The following GLG1 variants were observed in gnomAD, a reference collection of about 807,000 sequenced individuals.
GLG1 encodes golgi glycoprotein 1, also known as Golgi apparatus protein 1.
Under a neutral mutation model 160.5 loss-of-function variants are expected in GLG1, and 38 were observed. The observed-to-expected ratio is 0.24, with a 90% CI of 0.18 to 0.31. The LOEUF is 0.31. Ranked by LOEUF, GLG1 falls within the 10% of genes least tolerant of loss-of-function variation. The probability of loss-of-function intolerance (pLI) is 1.00; values close to 1 mark genes in which losing one functional copy is unlikely to be tolerated. For synonymous variants in GLG1, 644 were observed against 543.4 expected (o/e 1.19, Z -2.57); for missense variants, 1,373 against 1,505.2 (o/e 0.91, Z 1.45).
chr16:74,551,266 C>T (rs1304357742), intron 1 of GLG1, among the ~76,000 whole-genome samples: 5 of 151,958 alleles, frequency 3.3e-5, no homozygotes, highest in African/African-American at 4.8e-5. Flanking sequence ...TTATGAACTG[C>T]TTCATATAAA....
chr16:74,493,998 A>C (rs1305671287), intron 6 of GLG1, among the ~76,000 whole-genome samples: 1 of 151,952 alleles, frequency 6.6e-6, no homozygotes, highest in African/African-American at 2.4e-5. Context: ...AACATGGTGA[A>C]ACCCCGTCTC....
chr16:74,461,574 G>A (rs1044018808), intron 22 of GLG1: 1 of 148,110 alleles, frequency 6.8e-6, no homozygotes, highest in Non-Finnish European at 1.5e-5. Flanking sequence ...GGGTTCAAGT[G>A]ATTCTCCTGC....
rs147323996 is a variant in GLG1, at chr16:74,452,978, C to T, written c.*189G>A. The T allele has an allele frequency of 1.4e-4, 182 of 1,301,796 alleles. No individual in the cohort carries two copies. In the East Asian group the frequency reaches 3.5e-3, roughly 25 times the overall value. The allele number at this position is 1,301,796 out of a possible 1,614,324, so 80.6% of individuals were successfully genotyped here. On this transcript the variant is annotated 3_prime_UTR_variant, in exon 26 of 26. Coordinates refer to ENST00000422840, the MANE Select transcript of GLG1 (RefSeq NM_001145667.2). ...CCAGCGACCAGCTGCTGCTGCTGCA[C>T]GGTGAGGAGGAGGAGGACACCATGG...
chr16:74,546,232 A>G (rs564683276), intron 1 of GLG1, among the ~76,000 whole-genome samples: 1 of 152,266 alleles, frequency 6.6e-6, no homozygotes, highest in African/African-American at 2.4e-5. Flanking sequence ...TGAGCCCAGG[A>G]ATTCCAGACC....
chr16:74,513,775 G>A (rs1291857035), intron 2 of GLG1, among the ~76,000 whole-genome samples: 1 of 152,110 alleles, frequency 6.6e-6, no homozygotes, highest in African/African-American at 2.4e-5. Flanking sequence ...GAACAAAACT[G>A]GAAGGAGAAC....
At chr16:74,475,422 G>A (rs1459698912) in intron 12 of GLG1, among the ~76,000 whole-genome samples, 1 of 152,170 alleles carries the variant, frequency 6.6e-6, no homozygotes, top group Non-Finnish European at 1.5e-5. Flanking sequence ...CCAGGGGTCT[G>A]GAACACAGGA....
intron 13 of GLG1, among the ~76,000 whole-genome samples, chr16:74,473,798 G>A (rs1319316271): frequency 6.6e-6 from 1 of 151,962 alleles, no homozygotes; most frequent in Non-Finnish European, 1.5e-5. Flanking sequence ...ATAAACATAC[G>A]TATTCAATCT....
At chr16:74,591,284 T>G (rs1958177929) in intron 1 of GLG1, among the ~76,000 whole-genome samples, 1 of 150,584 alleles carries the variant, frequency 6.6e-6, no homozygotes, top group South Asian at 2.1e-4. Flanking sequence ...TGAGCCAACA[T>G]CGTGCCACTG....
intron 13 of GLG1, among the ~76,000 whole-genome samples, chr16:74,473,126 C>G (rs1368182598): frequency 6.6e-6 from 1 of 152,200 alleles, no homozygotes; most frequent in African/African-American, 2.4e-5. Flanking sequence ...ATTTCTGGCC[C>G]CACAAAATAA....
At chr16:74,567,340 A>G (rs1467003402) in intron 1 of GLG1, among the ~76,000 whole-genome samples, 2 of 152,144 alleles carry the variant, frequency 1.3e-5, no homozygotes, top group Non-Finnish European at 2.9e-5. Flanking sequence ...CTGGCTCACA[A>G]TAGTTTCACT....
In GLG1 at chr16:74,457,451, C is replaced by T. The variant is rs533425984; in HGVS notation, c.3265+423G>A. On this transcript the variant is annotated intron_variant, in intron 24 of 25. Coordinates refer to ENST00000422840, the MANE Select transcript of GLG1 (RefSeq NM_001145667.2). ...ACTTCTATTAGTTTTATTGGGTATA[C>T]GTGGCTCAAAAAGAACTCTCACACT... Among the ~76,000 whole-genome samples, 293 of 152,214 alleles carry T rather than the reference C, an allele frequency of 1.9e-3. 4 individuals are homozygous for T. The South Asian group carries it at 0.026, about 13-fold the overall frequency.
intron 7 of GLG1, among the ~76,000 whole-genome samples, chr16:74,492,379 A>G (rs2016030197): frequency 1.3e-5 from 2 of 148,438 alleles, no homozygotes; most frequent in Non-Finnish European, 3.0e-5. Flanking sequence ...AAAAAAAAAA[A>G]GAAAAGACAA....
intron 2 of GLG1, among the ~76,000 whole-genome samples, chr16:74,531,114 C>A (rs987422508): frequency 2.0e-5 from 3 of 151,902 alleles, no homozygotes; most frequent in African/African-American, 4.8e-5. Context: ...TTTAGAAAAG[C>A]CTTCCCTCTA....
intron 1 of GLG1, among the ~76,000 whole-genome samples, chr16:74,604,864 C>T (rs918794165): frequency 6.6e-6 from 1 of 152,162 alleles, no homozygotes; most frequent in African/African-American, 2.4e-5. Context: ...TCCTGGCCAA[C>T]ATGGTGAAAC....
intron 1 of GLG1, among the ~76,000 whole-genome samples, chr16:74,555,466 T>C (rs1209652964): frequency 6.6e-6 from 1 of 152,102 alleles, no homozygotes; most frequent in Admixed American, 6.6e-5. Flanking sequence ...GCAAGACAAC[T>C]GCTTGAGCCC....
chr16:74,588,051 C>G (rs1958091482), intron 1 of GLG1, among the ~76,000 whole-genome samples: 1 of 150,418 alleles, frequency 6.6e-6, no homozygotes, highest in Non-Finnish European at 1.5e-5. Context: ...ACCTGAAGAT[C>G]AGCAATAGCA....
At chr16:74,469,086 G>A (rs749271553) in intron 16 of GLG1, 23 bp from the exon 17 acceptor site, 3 of 1,532,550 alleles carry the variant, frequency 2.0e-6, no homozygotes, top group African/African-American at 1.4e-5. Context: ...GAAGCTTGAG[G>A]CTGGCTGGGG....
chr16:74,490,186 C>A (rs2015932263), intron 8 of GLG1, among the ~76,000 whole-genome samples: 1 of 152,166 alleles, frequency 6.6e-6, no homozygotes, highest in African/African-American at 2.4e-5. Flanking sequence ...AAGTAATCAA[C>A]ATGGACAACA....
At chr16:74,495,789 G>C (rs1199628877) in intron 5 of GLG1, among the ~76,000 whole-genome samples, 1 of 152,180 alleles carries the variant, frequency 6.6e-6, no homozygotes, top group Non-Finnish European at 1.5e-5. Flanking sequence ...TGAGAAGTGA[G>C]ATAAAGCAGA....
Sources: allele counts gnomAD v4.1 joint callset (sites outside exome capture counted in the v4.1 genomes callset), GRCh38; gene constraint gnomAD v4.1.1; transcripts MANE v1.5; gene names NCBI Gene and HGNC (gene_info 2026-07-23, HGNC 2026-07-21).